Variants in SPEF2 observed in about 807,000 individuals in gnomAD.
SPEF2 encodes the protein sperm flagella and cilia-associated protein 2.
In SPEF2, 187 loss-of-function variants were observed where a neutral mutation model predicts 224.6. The ratio of observed to expected loss-of-function variants is 0.83; its 90% CI spans 0.74 to 0.94. SPEF2 has a LOEUF of 0.94. Ranked by LOEUF, SPEF2 falls within the 40% of genes least tolerant of loss-of-function variation. The probability of loss-of-function intolerance (pLI) is 0.00; values close to 1 mark genes in which losing one functional copy is unlikely to be tolerated. For missense variants in SPEF2, 2,170 were observed against 2,135.6 expected, an observed-to-expected ratio of 1.02 and a Z score of -0.32; for synonymous variants, 715 against 707.3, an observed-to-expected ratio of 1.01 and a Z score of -0.17.
At chr5:35,651,428 G>A (rs1274832599) in intron 6 of SPEF2, among the ~76,000 whole-genome samples, 1 of 152,158 alleles carries the variant, frequency 6.6e-6, no homozygotes, top group East Asian at 1.9e-4. Context: ...TGAAGTCCCT[G>A]GGCCAGTTAC....
intron 16 of SPEF2, among the ~76,000 whole-genome samples, chr5:35,704,270 T>A (rs1410904736): frequency 6.6e-6 from 1 of 152,176 alleles, no homozygotes; most frequent in South Asian, 2.1e-4. Flanking sequence ...TTATTCATGA[T>A]GACCCATCAT....
intron 10 of SPEF2, among the ~76,000 whole-genome samples, chr5:35,684,422 C>G (rs1001380650): frequency 6.6e-6 from 1 of 152,196 alleles, no homozygotes; most frequent in Non-Finnish European, 1.5e-5. Flanking sequence ...TTCTTCTAAC[C>G]TAAGCATTCT....
chr5:35,684,668 T>G (rs527913495), intron 10 of SPEF2, among the ~76,000 whole-genome samples: 1 of 152,318 alleles, frequency 6.6e-6, no homozygotes, highest in East Asian at 1.9e-4. Flanking sequence ...TACAACAATC[T>G]GGTGAAATAC....
chr5:35,762,708 A>G (rs1489340513), intron 25 of SPEF2, among the ~76,000 whole-genome samples: 2 of 152,026 alleles, frequency 1.3e-5, no homozygotes, highest in African/African-American at 2.4e-5. Flanking sequence ...TGCACTTTCT[A>G]TTACTAAAGG....
intron 3 of SPEF2, among the ~76,000 whole-genome samples, chr5:35,642,534 A>T (rs1746748326): frequency 1.3e-5 from 2 of 152,196 alleles, no homozygotes; most frequent in South Asian, 4.1e-4. Flanking sequence ...CCAGATTTTT[A>T]GTACATCAGA....
In SPEF2 at chr5:35,709,288, C is replaced by T. The variant is rs558087067; in HGVS notation, c.2839+167C>T. On this transcript the variant is annotated intron_variant, in intron 19 of 36. Transcript: ENST00000356031. ...GAAAAGCCCTCGGAGTAGCTAAAAG[C>T]GTAGTTGTTACAAAGCCCAACTTCT... The T allele has an allele frequency of 2.0e-5, 29 of 1,432,642 alleles. 1 individual carries two copies. The African/African-American group carries it at 3.2e-4, about 16-fold the overall frequency. The allele number at this position is 1,432,642 out of a possible 1,614,324, so 88.7% of individuals were successfully genotyped here.
intron 33 of SPEF2, among the ~76,000 whole-genome samples, chr5:35,797,288 A>G (rs1015188847): frequency 6.6e-6 from 1 of 150,778 alleles, no homozygotes; most frequent in Non-Finnish European, 1.5e-5. Context: ...TGAGCAAAAC[A>G]TGTTGTTATG....
At chr5:35,796,026 TC>T (rs1314845132) in intron 33 of SPEF2, among the ~76,000 whole-genome samples, 12 of 152,218 alleles carry the variant, frequency 7.9e-5, no homozygotes, top group Non-Finnish European at 1.5e-4. Context: ...CTCTATGTGA[TC>T]CTGGAAAATT....
At chr5:35,676,414 G>C (rs1368659212) in intron 10 of SPEF2, among the ~76,000 whole-genome samples, 2 of 152,156 alleles carry the variant, frequency 1.3e-5, no homozygotes, top group African/African-American at 4.8e-5. Flanking sequence ...GGATTTTAGA[G>C]TTGGCTATAA....
intron 10 of SPEF2, among the ~76,000 whole-genome samples, chr5:35,686,491 T>G (rs1199547975): frequency 1.3e-5 from 2 of 152,234 alleles, no homozygotes; most frequent in African/African-American, 4.8e-5. Context: ...TACCTATATG[T>G]GTATGTAAAT....
chr5:35,766,998 T>C (rs62353696), intron 26 of SPEF2, among the ~76,000 whole-genome samples: 15,887 of 151,838 alleles, frequency 0.1, 1,220 homozygotes, highest in African/African-American at 0.22. Context: ...TTGAAATATA[T>C]TCATTTAAGT....
At chr5:35,712,565 T>A (rs901475158) in intron 19 of SPEF2, among the ~76,000 whole-genome samples, 15 of 152,236 alleles carry the variant, frequency 9.9e-5, no homozygotes, top group African/African-American at 3.4e-4. Context: ...AATGTTTATA[T>A]TAAAGTTAGG....
At chr5:35,733,855 A>G (rs931184470) in intron 21 of SPEF2, among the ~76,000 whole-genome samples, 1 of 152,152 alleles carries the variant, frequency 6.6e-6, no homozygotes, top group Non-Finnish European at 1.5e-5. Context: ...CAGCAGCTAC[A>G]TGACCTTGTA....
chr5:35,806,464 G>C (rs956852603), intron 34 of SPEF2, among the ~76,000 whole-genome samples: 2 of 152,216 alleles, frequency 1.3e-5, no homozygotes, highest in South Asian at 4.1e-4. Flanking sequence ...AATGTATGAA[G>C]TTGTGTAGGA....
intron 9 of SPEF2, among the ~76,000 whole-genome samples, chr5:35,668,036 A>T (rs1359763983): frequency 1.3e-5 from 2 of 152,258 alleles, no homozygotes; most frequent in Admixed American, 1.3e-4. Flanking sequence ...GGATCTGGAG[A>T]AAACCACTAT....
intron 20 of SPEF2, among the ~76,000 whole-genome samples, chr5:35,715,915 C>T (rs966710013): frequency 1.4e-5 from 2 of 143,888 alleles, no homozygotes; most frequent in African/African-American, 5.2e-5. Flanking sequence ...CTCTAAAAAG[C>T]GTATCAGTTA....
intron 8 of SPEF2, 43 bp downstream of exon 8, chr5:35,659,250 G>T: frequency 2.7e-6 from 4 of 1,502,150 alleles, no homozygotes; most frequent in Admixed American, 2.0e-5. Context: ...GGTTACTTTT[G>T]TTTCTTTCTA....
intron 34 of SPEF2, among the ~76,000 whole-genome samples, chr5:35,802,242 G>T (rs1757521571): frequency 1.3e-5 from 2 of 151,992 alleles, no homozygotes; most frequent in South Asian, 4.2e-4. Flanking sequence ...ATTATCCAAG[G>T]CCTACAACAA....
Position 35,649,373 on chromosome 5 carries a change from G to T in SPEF2, c.739G>T (p.Glu247Ter). Residue 247 changes from glutamate to a stop codon, truncating the protein, a stop_gained, in exon 6 of 37, where the codon GAA becomes TAA. Transcript: ENST00000356031. LOFTEE classifies it high-confidence loss of function. ...KKKEAEDVAD[E>*]IKKFEALIKK... ...ATTTTCTTTAAAGGATGTGGCTGAT[G>T]AAATTAAGAAGTTCGAAGCATTAAT... The T allele has an allele frequency of 6.2e-7, 1 of 1,611,822 alleles. No homozygotes were observed. Among genetic ancestry groups the T allele is most frequent in the Non-Finnish European group, 8.5e-7 (1 of 1,179,170 alleles).
Sources: allele counts gnomAD v4.1 joint callset (sites outside exome capture counted in the v4.1 genomes callset), GRCh38; gene constraint gnomAD v4.1.1; transcripts MANE v1.5; gene names NCBI Gene and HGNC (gene_info 2026-07-23, HGNC 2026-07-21).